Variants in GOLGA3 observed in about 807,000 individuals in gnomAD.
The protein encoded by GOLGA3 is golgin A3.
Under a neutral mutation model 169.4 loss-of-function variants are expected in GOLGA3, and 75 were observed. That is an observed-to-expected ratio of 0.44 (90% CI 0.37 to 0.54). The LOEUF (loss-of-function observed/expected upper bound fraction) is 0.54, where lower values mean the gene tolerates loss of function less well. GOLGA3 is among the 20% of genes least tolerant of loss of function. The pLI is 0.00. For synonymous variants in GOLGA3, 824 were observed against 822.4 expected (o/e 1.00, Z -0.03); for missense variants, 1,899 against 1,930.0 (o/e 0.98, Z 0.30).
intron 1 of GOLGA3, chr12:132,825,857 G>A (rs1317988667): frequency 2.0e-6 from 2 of 988,280 alleles, no homozygotes; most frequent in East Asian, 2.4e-5. Context: ...GGCTACTGAG[G>A]GCACCTACAT....
In GOLGA3 at chr12:132,795,880, C is replaced by T. The variant is rs772453031; in HGVS notation, c.2441G>A (p.Arg814Lys). The part of the protein sequence containing the change: ...EETSETLEKL[R>K]EELAIKSGQV... ...GCCGGATTTGATAGCTAATTCTTCT[C>T]TTAACTTCTCTAAAGTTTCCGACGT... Residue 814 changes from arginine to lysine, a missense_variant, in exon 11 of 24, where the codon AGA (arginine) becomes AAA (lysine). Coordinates refer to ENST00000450791, the MANE Select transcript of GOLGA3 (RefSeq NM_001389683.1). The T allele has an allele frequency of 6.8e-6, 11 of 1,613,896 alleles. No individual in the cohort carries two copies. Among genetic ancestry groups the T allele is most frequent in the Non-Finnish European group, 9.3e-6 (11 of 1,179,792 alleles).
intron 8 of GOLGA3, among the ~76,000 whole-genome samples, 158 bp from the exon 9 acceptor site, chr12:132,798,635 A>G (rs1948987024): frequency 7.3e-6 from 1 of 136,768 alleles, no homozygotes; most frequent in Non-Finnish European, 1.6e-5. Context: ...CCATCTCAAA[A>G]TATGCGCTGT....
At chr12:132,810,372 C>T (rs1949640187) in intron 4 of GOLGA3, among the ~76,000 whole-genome samples, 2 of 152,086 alleles carry the variant, frequency 1.3e-5, no homozygotes, top group Admixed American at 6.6e-5. Flanking sequence ...CACCCAGGTG[C>T]CGAGGCAAGA....
intron 21 of GOLGA3, among the ~76,000 whole-genome samples, chr12:132,775,874 CA>C (rs2136251727): frequency 6.6e-6 from 1 of 152,372 alleles, no homozygotes; most frequent in East Asian, 1.9e-4. Context: ...AAGTTTATCG[CA>C]AATTGGCAAA....
chr12:132,775,050 T>C, intron 22 of GOLGA3, 91 bp downstream of exon 22: 3 of 1,143,842 alleles, frequency 2.6e-6, no homozygotes, highest in Non-Finnish European at 3.8e-6. Context: ...AATCCGTTTA[T>C]GTCTGAATGA....
chr12:132,798,601 C>T, intron 8 of GOLGA3, 124 bp from the exon 9 acceptor site: 1 of 761,110 alleles, frequency 1.3e-6, no homozygotes. Flanking sequence ...CCCACGCAAG[C>T]CCCACTACCC....
rs1241980695 is a variant in GOLGA3, at chr12:132,782,483, G to A, written c.3278C>T (p.Ser1093Phe). The change falls in exon 17 of 24, where the codon TCC (serine) becomes TTC (phenylalanine). Residue 1093 changes from serine to phenylalanine, a missense_variant. Transcript: ENST00000450791. ...TTTTATCTTCTTCCTAAAGCCTCTG[G>A]ATTCTTGAAGCTGAAACATACCAAT... Reference protein sequence around the residue: ...VLELEDELQESRGFRKKIKRL... With the variant: ...VLELEDELQEFRGFRKKIKRL... 1.9e-6 allele frequency: 3 copies of A among 1,612,996 alleles called. No homozygotes were observed. Among genetic ancestry groups the A allele is most frequent in the Admixed American group, 1.7e-5 (1 of 60,002 alleles).
At chr12:132,779,053 C>G (rs2045404896) in intron 18 of GOLGA3, among the ~76,000 whole-genome samples, 1 of 152,162 alleles carries the variant, frequency 6.6e-6, no homozygotes, top group Admixed American at 6.5e-5. Flanking sequence ...CAAGAGAAAG[C>G]TGTTAACTGC....
intron 18 of GOLGA3, among the ~76,000 whole-genome samples, chr12:132,780,126 CACCCCA>C (rs1309680341): frequency 1.5e-5 from 2 of 135,106 alleles, no homozygotes; most frequent in Non-Finnish European, 1.6e-5. Context: ...CGCGTGCACA[CACCCCA>C]GGCACACGTG....
chr12:132,821,853 C>CAAA (rs11301977), intron 2 of GOLGA3, 143 bp downstream of exon 2: 57 of 393,636 alleles, frequency 1.4e-4, no homozygotes, highest in African/African-American at 4.5e-4. Flanking sequence ...GACTCCGTCT[C>CAAA]AAAAAAAAAA....
intron 1 of GOLGA3, chr12:132,826,140 A>G: frequency 6.3e-7 from 1 of 1,586,574 alleles, no homozygotes; most frequent in Non-Finnish European, 8.6e-7. Flanking sequence ...AACGTGCTCC[A>G]GGTCACCAAG....
chr12:132,775,142 G>A lies in GOLGA3; in HGVS notation c.4142C>T (p.Thr1381Met), dbSNP rs749482676. 4 of 1,612,838 alleles carry A rather than the reference G, an allele frequency of 2.5e-6. No homozygotes were observed. Among genetic ancestry groups the A allele is most frequent in the East Asian group, 2.2e-5 (1 of 44,886 alleles). The change falls in exon 22 of 24, where the codon ACG becomes ATG. Residue 1381 changes from threonine (T) to methionine (M), a missense_variant and splice_region_variant. Physicochemically the swap from Thr to Met is moderately conservative, Grantham distance 81 (BLOSUM62 -1). Coordinates refer to ENST00000450791, the MANE Select transcript of GOLGA3 (RefSeq NM_001389683.1). ...CGGGAGGGACGCGGGCCTGAGTACC[G>A]TCTTGGCCGCGCCGCGGCGTAGGTC... ...KLDLRRGAAK[T>M]RKEPKGEASS... is the part of the protein sequence containing the mutation.
rs1369018351 is a variant in GOLGA3, at chr12:132,791,249, C to T, written c.2514G>A (p.Met838Ile). ...GGAGAAACTGTTCCTTTATTTTTTG[C>T]ATTTGCTTTTTCAGAGCAGCAGTCT... ...QQETAALKKQ[M>I]QKIKEQFLQQ... Residue 838 changes from methionine (M) to isoleucine (I), a missense_variant, in exon 12 of 24, where the codon ATG becomes ATA. By Grantham distance (10) the Met-to-Ile change is conservative (BLOSUM62 1). Coordinates refer to ENST00000450791, the MANE Select transcript of GOLGA3 (RefSeq NM_001389683.1). 1.9e-6 allele frequency: 3 copies of T among 1,607,840 alleles called. No homozygotes were observed. Among genetic ancestry groups the T allele is most frequent in the East Asian group, 2.2e-5 (1 of 44,812 alleles).
At chr12:132,797,812 A>C (rs895103122) in intron 9 of GOLGA3, among the ~76,000 whole-genome samples, 1 of 152,126 alleles carries the variant, frequency 6.6e-6, no homozygotes, top group Admixed American at 6.5e-5. Context: ...TGTCCTCTGG[A>C]GATGGCTGTG....
At chr12:132,807,035 TA>T in intron 6 of GOLGA3, 141 bp downstream of exon 6, 2 of 561,666 alleles carry the variant, frequency 3.6e-6, no homozygotes, top group South Asian at 4.1e-5. Flanking sequence ...ACAAAAAACG[TA>T]AAGATGCAGA....
intron 11 of GOLGA3, among the ~76,000 whole-genome samples, chr12:132,792,094 TAC>T (rs1948558538): frequency 1.3e-5 from 2 of 152,160 alleles, no homozygotes; most frequent in African/African-American, 2.4e-5. Flanking sequence ...GGGATGCAAC[TAC>T]ACAGACATTA....
intron 7 of GOLGA3, among the ~76,000 whole-genome samples, chr12:132,803,624 G>A (rs922232519): frequency 2.6e-5 from 4 of 152,204 alleles, no homozygotes; most frequent in East Asian, 1.9e-4. Flanking sequence ...AATGCTCAAG[G>A]ACTAAAATAT....
At chr12:132,778,948 G>C (rs1593234071) in intron 18 of GOLGA3, among the ~76,000 whole-genome samples, 1 of 152,262 alleles carries the variant, frequency 6.6e-6, no homozygotes, top group African/African-American at 2.4e-5. Flanking sequence ...GCGAAAGCTG[G>C]AGAGCTGGGG....
chr12:132,783,655 T>G (rs1309616266), intron 16 of GOLGA3, among the ~76,000 whole-genome samples: 1 of 152,198 alleles, frequency 6.6e-6, no homozygotes, highest in Non-Finnish European at 1.5e-5. Flanking sequence ...CTTGGCTCAC[T>G]GCAACCTCCG....
Sources: allele counts gnomAD v4.1 joint callset (sites outside exome capture counted in the v4.1 genomes callset), GRCh38; gene constraint gnomAD v4.1.1; transcripts MANE v1.5; gene names NCBI Gene and HGNC (gene_info 2026-07-23, HGNC 2026-07-21).